INTS4: variants seen among roughly 807,000 people sequenced by gnomAD.
The protein encoded by INTS4 is integrator complex subunit 4.
In INTS4, 70 loss-of-function variants were observed where a neutral mutation model predicts 119.5. The ratio of observed to expected loss-of-function variants is 0.59; its 90% CI spans 0.48 to 0.71. The LOEUF is 0.71. Among genes scored for constraint, INTS4 ranks in the 30% least tolerant of loss-of-function variants. The pLI is 0.00. For missense variants in INTS4, 867 were observed against 1,173.2 expected, an observed-to-expected ratio of 0.74 and a Z score of 3.81; for synonymous variants, 316 against 419.6, an observed-to-expected ratio of 0.75 and a Z score of 3.02.
chr11:77,946,085 A>G (rs1023946970), intron 8 of INTS4, among the ~76,000 whole-genome samples: 1 of 152,246 alleles, frequency 6.6e-6, no homozygotes, highest in African/African-American at 2.4e-5. Flanking sequence ...CCAGATAGAC[A>G]GCCTGGCAGC....
At chr11:77,895,098 C>T (rs1952454097) in intron 18 of INTS4, among the ~76,000 whole-genome samples, 1 of 151,838 alleles carries the variant, frequency 6.6e-6, no homozygotes, top group South Asian at 2.1e-4. Context: ...CTTGGCCTCA[C>T]AGTACTTGAG....
At chr11:77,953,906 C>T (rs966619479) in intron 8 of INTS4, among the ~76,000 whole-genome samples, 7 of 151,846 alleles carry the variant, frequency 4.6e-5, no homozygotes, top group African/African-American at 9.7e-5. Flanking sequence ...CTCTGCCTCC[C>T]GGGTTCAAGC....
Position 77,917,983 on chromosome 11 carries a change from C to A in INTS4, c.1922+838G>T, listed in dbSNP as rs938313424. ...GGAATGCAAGTAAAATTAGAGTGTA[C>A]AACTTTTGGGAAGTGTCTTTAAACA... On this transcript the variant is annotated intron_variant, in intron 15 of 22. Coordinates refer to ENST00000534064, the MANE Select transcript of INTS4 (RefSeq NM_033547.4). 1.2e-4 allele frequency: 84 copies of A among 690,770 alleles called. 1 individual carries two copies. In the Admixed American group the frequency reaches 1.7e-3, roughly 14 times the overall value. The allele number at this position is 690,770 out of a possible 1,614,324, so 42.8% of individuals were successfully genotyped here.
chr11:77,933,880 C>A (rs7119989), intron 10 of INTS4, among the ~76,000 whole-genome samples: 1 of 151,878 alleles, frequency 6.6e-6, no homozygotes, highest in Non-Finnish European at 1.5e-5. Context: ...GCAGCCACCC[C>A]GTCTGGGAGG....
chr11:77,931,306 T>A (rs1401911934), intron 10 of INTS4, among the ~76,000 whole-genome samples: 1 of 152,182 alleles, frequency 6.6e-6, no homozygotes, highest in Non-Finnish European at 1.5e-5. Flanking sequence ...GGCACTACAC[T>A]AGAGTGAACA....
intron 8 of INTS4, among the ~76,000 whole-genome samples, chr11:77,950,921 G>A (rs1280503289): frequency 2.3e-5 from 3 of 132,860 alleles, no homozygotes; most frequent in African/African-American, 8.8e-5. Flanking sequence ...CCCTTCCTGT[G>A]TCCATGTGTT....
At chr11:77,898,351 A>T (rs934021717) in intron 18 of INTS4, among the ~76,000 whole-genome samples, 6 of 151,998 alleles carry the variant, frequency 3.9e-5, no homozygotes, top group Admixed American at 1.3e-4. Context: ...TTTAGTAGAG[A>T]TGGGGTTTCA....
At chr11:77,887,590 G>A (rs1451264911) in intron 21 of INTS4, among the ~76,000 whole-genome samples, 1 of 152,110 alleles carries the variant, frequency 6.6e-6, no homozygotes, top group African/African-American at 2.4e-5. Flanking sequence ...GGTAGGAGAA[G>A]GAAATAAAGG....
chr11:77,921,858 C>T (rs926893333), intron 13 of INTS4, among the ~76,000 whole-genome samples: 4 of 152,094 alleles, frequency 2.6e-5, no homozygotes, highest in African/African-American at 9.7e-5. Context: ...AGGTAAAACC[C>T]CGTCTCTACT....
intron 15 of INTS4, among the ~76,000 whole-genome samples, chr11:77,910,266 A>G (rs563826570): frequency 8.0e-4 from 121 of 151,896 alleles, no homozygotes; most frequent in Non-Finnish European, 1.5e-3. Flanking sequence ...TGCAGCCATA[A>G]AAAATGATGA....
chr11:77,932,155 C>A (rs1018035062), intron 10 of INTS4, among the ~76,000 whole-genome samples: 3 of 152,082 alleles, frequency 2.0e-5, no homozygotes, highest in Admixed American at 2.0e-4. Flanking sequence ...AACAGGCAAC[C>A]TACAGAATGG....
rs377014110 is a variant in INTS4, at chr11:77,939,421, C to CG, written c.991-597dup. Among the ~76,000 whole-genome samples the CG allele has an allele frequency of 4.2e-3, 630 of 151,384 alleles. 2 individuals carry two copies. Among genetic ancestry groups the CG allele is most frequent in the African/African-American group, 0.015 (599 of 41,246 alleles). On this transcript the variant is annotated intron_variant, in intron 9 of 22. Transcript: ENST00000534064. ...ATCATGCCACTGCACTCCAGCCTGGCGACAGAGCGAGACTCCGCCTCAAAA... is the reference window on the plus strand; with the variant it reads ...ATCATGCCACTGCACTCCAGCCTGGCGGACAGAGCGAGACTCCGCCTCAAAA...
chr11:77,921,533 C>T (rs1307780558), intron 13 of INTS4, 60 bp from the exon 14 acceptor site: 34 of 1,098,578 alleles, frequency 3.1e-5, no homozygotes, highest in Non-Finnish European at 4.4e-5. Flanking sequence ...GATTCTGGCA[C>T]TCTCACTTTC....
intron 18 of INTS4, among the ~76,000 whole-genome samples, chr11:77,901,045 T>C (rs1952762231): frequency 6.6e-6 from 1 of 152,310 alleles, no homozygotes; most frequent in Non-Finnish European, 1.5e-5. Flanking sequence ...TTTATCCTTA[T>C]TGCCTGAGAA....
intron 15 of INTS4, among the ~76,000 whole-genome samples, chr11:77,908,499 T>C (rs2136457081): frequency 6.6e-6 from 1 of 152,258 alleles, no homozygotes; most frequent in South Asian, 2.1e-4. Flanking sequence ...CAGCTAATTT[T>C]TGTATTTTTA....
In INTS4 at chr11:77,879,061, G is replaced by A. The variant is rs1390186858; in HGVS notation, c.2780C>T (p.Pro927Leu). 2 of 1,614,094 alleles carry A rather than the reference G, an allele frequency of 1.2e-6. No homozygotes were observed. Among genetic ancestry groups the A allele is most frequent in the Non-Finnish European group, 8.5e-7 (1 of 1,179,988 alleles). ...YNSSARIPKCPWMEGGEMSPQ... is the reference protein window; with the variant it reads ...YNSSARIPKCLWMEGGEMSPQ... ...TGACATCTCACCACCCTCCATCCAG[G>A]GGCATTTTGGAATGCGAGCACTGGA... The change falls in exon 23 of 23, where the codon CCC (proline) becomes CTC (leucine). Residue 927 changes from proline to leucine, a missense_variant. Pro to Leu is a moderately conservative substitution (Grantham distance 98, BLOSUM62 -3). Around this residue, in one of 5 missense-constraint regions of INTS4, gnomAD observed 122 missense variants for 133.2 expected, o/e 0.92. Coordinates refer to ENST00000534064, the MANE Select transcript of INTS4 (RefSeq NM_033547.4).
intron 4 of INTS4, among the ~76,000 whole-genome samples, chr11:77,966,271 T>C (rs1855501853): frequency 6.6e-6 from 1 of 152,246 alleles, no homozygotes; most frequent in Non-Finnish European, 1.5e-5. Context: ...ACTTAGTTTC[T>C]TTTCTTGTAC....
At chr11:77,945,751 C>G (rs1195392543) in intron 8 of INTS4, among the ~76,000 whole-genome samples, 1 of 152,200 alleles carries the variant, frequency 6.6e-6, no homozygotes, top group Non-Finnish European at 1.5e-5. Context: ...CATCACAGAA[C>G]CACCTGCCCA....
At chr11:77,960,106 A>C (rs1954429390) in intron 6 of INTS4, among the ~76,000 whole-genome samples, 1 of 152,068 alleles carries the variant, frequency 6.6e-6, no homozygotes, top group African/African-American at 2.4e-5. Context: ...TCTCATACTG[A>C]ACTTTGTAAA....
Sources: gnomAD v4.1 joint callset for allele counts (sites outside exome capture counted in the v4.1 genomes callset) on GRCh38, gnomAD v4.1.1 for gene constraint, gnomAD v4.1.1 regional missense constraint, MANE v1.5 for transcripts, NCBI Gene and HGNC (gene_info 2026-07-23, HGNC 2026-07-21) for gene names.